The following MME variants were observed in gnomAD, a reference collection of about 807,000 sequenced individuals.
MME encodes membrane metalloendopeptidase.
MME carries 98 observed loss-of-function variants against 113.2 expected under a neutral mutation model. The ratio of observed to expected loss-of-function variants is 0.87; its 90% CI spans 0.74 to 1.02. The LOEUF (loss-of-function observed/expected upper bound fraction) is 1.02. Among genes scored for constraint, MME ranks in the 50% least tolerant of loss-of-function variants. The pLI is 0.00. For missense variants in MME, 836 were observed against 896.0 expected (o/e 0.93, Z 0.86); for synonymous variants, 292 against 300.6 (o/e 0.97, Z 0.30).
chr3:155,061,045 G>T (rs1013000144), intron 1 of MME, among the ~76,000 whole-genome samples: 4 of 152,082 alleles, frequency 2.6e-5, no homozygotes, highest in African/African-American at 4.8e-5. Context: ...TCAGTTAGAG[G>T]GCTAAAGACA....
intron 1 of MME, among the ~76,000 whole-genome samples, chr3:155,024,724 A>G (rs1053336933): frequency 2.0e-5 from 3 of 152,208 alleles, no homozygotes; most frequent in Admixed American, 2.0e-4. Flanking sequence ...ACAATTTTAG[A>G]AATAAGAGCA....
intron 8 of MME, among the ~76,000 whole-genome samples, chr3:155,126,881 C>T (rs1053716890): frequency 6.6e-6 from 1 of 151,864 alleles, no homozygotes; most frequent in Non-Finnish European, 1.5e-5. Context: ...TGCCTGTAAT[C>T]CCAGCTACTT....
chr3:155,165,228 T>C (rs1246804448), intron 17 of MME, among the ~76,000 whole-genome samples: 4 of 152,050 alleles, frequency 2.6e-5, no homozygotes, highest in Non-Finnish European at 5.9e-5. Context: ...ACTATGAACA[T>C]TTAATTAATT....
In MME at chr3:155,113,407, G is replaced by T. The variant is rs1448749781; in HGVS notation, c.197-1587G>T. Reference sequence around the variant, plus strand: ...CTATTCTCCTGCTTTAGCCTCCTGAGTAGCTGGGACTACAGGTGCCTGCCA... The same window carrying T: ...CTATTCTCCTGCTTTAGCCTCCTGATTAGCTGGGACTACAGGTGCCTGCCA... On this transcript the variant is annotated intron_variant, in intron 3 of 22. Coordinates refer to ENST00000360490, the MANE Select transcript of MME (RefSeq NM_007289.4). Among the ~76,000 whole-genome samples the T allele has an allele frequency of 2.0e-5, 3 of 152,286 alleles. No individual in the cohort carries two copies. The Middle Eastern group carries it at 0.01, about 518-fold the overall frequency.
intron 22 of MME, among the ~76,000 whole-genome samples, chr3:155,176,080 C>A (rs1174003506): frequency 6.6e-6 from 1 of 152,142 alleles, no homozygotes; most frequent in Non-Finnish European, 1.5e-5. Flanking sequence ...AGATTGGATA[C>A]CTTATTCCTG....
In MME at chr3:155,146,663, AAGG is replaced by A. The variant is rs1301605838; in HGVS notation, c.1417-478_1417-476del. On this transcript the variant is annotated intron_variant, in intron 14 of 22. Transcript: ENST00000360490. The stretch of plus-strand genomic sequence containing the variant: ...ATAGGTACACTGACTTTGGAGAATA[AAGG>A]AGAACATAAAAACTCCAGGAACCAA... Among the ~76,000 whole-genome samples the A allele has an allele frequency of 3.3e-5, 5 of 152,282 alleles. No individual in the cohort carries two copies. The East Asian group carries it at 9.6e-4, about 29-fold the overall frequency.
intron 1 of MME, among the ~76,000 whole-genome samples, chr3:155,054,597 G>A (rs1713865343): frequency 6.6e-6 from 1 of 152,148 alleles, no homozygotes; most frequent in African/African-American, 2.4e-5. Context: ...CAAGGCCTGA[G>A]GATCACCAAG....
At chr3:155,068,641 A>T (rs1395951816) in intron 1 of MME, among the ~76,000 whole-genome samples, 1 of 152,198 alleles carries the variant, frequency 6.6e-6, no homozygotes, top group African/African-American at 2.4e-5. Context: ...AGTTTTATTA[A>T]ATTAGGCTTA....
At chr3:155,033,555 T>C (rs981491449) in intron 1 of MME, among the ~76,000 whole-genome samples, 9 of 152,158 alleles carry the variant, frequency 5.9e-5, no homozygotes, top group South Asian at 4.1e-4. Flanking sequence ...CATGGTTAGA[T>C]GAGAATATCA....
chr3:155,025,370 T>C (rs1168224923), intron 1 of MME, among the ~76,000 whole-genome samples: 2 of 151,924 alleles, frequency 1.3e-5, no homozygotes, highest in African/African-American at 4.8e-5. Context: ...AGAGACAAAG[T>C]ATGGATCACT....
At chr3:155,044,689 C>A (rs1713487945) in intron 1 of MME, among the ~76,000 whole-genome samples, 1 of 152,010 alleles carries the variant, frequency 6.6e-6, no homozygotes, top group Admixed American at 6.6e-5. Context: ...CTCCATTAAG[C>A]AGTTTCATTA....
intron 1 of MME, among the ~76,000 whole-genome samples, chr3:155,048,871 T>A (rs1210148665): frequency 2.0e-5 from 3 of 152,124 alleles, no homozygotes; most frequent in African/African-American, 7.2e-5. Flanking sequence ...GCTTTCCATA[T>A]CTTTTACATT....
chr3:155,179,463 C>T lies in MME; in HGVS notation c.2154-897C>T, dbSNP rs897010048. On this transcript the variant is annotated intron_variant, in intron 22 of 22. Transcript: ENST00000360490. ...AGAGAGAAGTCCTAAGATGTACACA[C>T]AGTAGTACACCTGCCACGTAGGGAG... 2.0e-5 allele frequency among the ~76,000 whole-genome samples: 3 copies of T among 152,110 alleles called. No homozygotes were observed. In the East Asian group the frequency reaches 5.8e-4, roughly 29 times the overall value.
At chr3:155,084,364 A>G (rs1715467930) in intron 2 of MME, 37 bp downstream of exon 2, 1 of 1,606,020 alleles carries the variant, frequency 6.2e-7, no homozygotes, top group Non-Finnish European at 8.5e-7. Context: ...CATAAGTGCA[A>G]AAGAGAAGGA....
intron 9 of MME, among the ~76,000 whole-genome samples, chr3:155,139,694 C>G (rs1720908405): frequency 1.3e-5 from 2 of 152,188 alleles, no homozygotes; most frequent in East Asian, 3.9e-4. Flanking sequence ...CCAAATTGTG[C>G]TCTGTACTAG....
intron 1 of MME, among the ~76,000 whole-genome samples, chr3:155,041,495 A>C (rs1713318739): frequency 6.6e-6 from 1 of 152,182 alleles, no homozygotes. Flanking sequence ...TCTTTAAAAA[A>C]TCTATTAAAA....
intron 1 of MME, among the ~76,000 whole-genome samples, chr3:155,063,028 A>G (rs1271445536): frequency 3.1e-4 from 42 of 135,820 alleles, no homozygotes; most frequent in Non-Finnish European, 5.3e-4. Flanking sequence ...CTGAGACTCC[A>G]TCTCAAAAAA....
At chr3:155,054,670 A>G (rs1713868048) in intron 1 of MME, among the ~76,000 whole-genome samples, 1 of 152,160 alleles carries the variant, frequency 6.6e-6, no homozygotes, top group East Asian at 1.9e-4. Context: ...TACAGAAATT[A>G]GTTGGGCATA....
At chr3:155,071,562 T>C (rs1315367838) in intron 1 of MME, among the ~76,000 whole-genome samples, 1 of 152,218 alleles carries the variant, frequency 6.6e-6, no homozygotes, top group African/African-American at 2.4e-5. Context: ...ATTTGGCATG[T>C]AACAAATATT....
Sources: gnomAD v4.1 joint callset for allele counts (sites outside exome capture counted in the v4.1 genomes callset) on GRCh38, gnomAD v4.1.1 for gene constraint, MANE v1.5 for transcripts, NCBI Gene and HGNC (gene_info 2026-07-23, HGNC 2026-07-21) for gene names.